CORIN: variants seen among roughly 807,000 people sequenced by gnomAD.
The protein encoded by CORIN is atrial natriuretic peptide-converting enzyme.
CORIN carries 117 observed loss-of-function variants against 125.3 expected under a neutral mutation model. That is an observed-to-expected ratio of 0.93 (90% CI 0.80 to 1.09). The LOEUF (loss-of-function observed/expected upper bound fraction) is 1.09, where lower values mean the gene tolerates loss of function less well. Ranked by LOEUF, CORIN falls within the 50% of genes least tolerant of loss-of-function variation. The probability of loss-of-function intolerance (pLI) is 0.00; values close to 1 mark genes in which losing one functional copy is unlikely to be tolerated. For missense variants in CORIN, 1,253 were observed against 1,306.7 expected (o/e 0.96, Z 0.63); for synonymous variants, 450 against 466.4 (o/e 0.96, Z 0.45).
In CORIN at chr4:47,772,076, CATAGATAG is replaced by C. The variant is rs57915863; in HGVS notation, c.410-8498_410-8491del. ...TGCCAAGCTTCAAGCTTTCACATTA[CATAGATAG>C]ATAGATAGATAGATAGATAGATAGA... On this transcript the variant is annotated intron_variant, in intron 3 of 21. Coordinates refer to ENST00000273857, the MANE Select transcript of CORIN (RefSeq NM_006587.4). Among the ~76,000 whole-genome samples the C allele has an allele frequency of 5.0e-3, 748 of 149,118 alleles. 7 individuals are homozygous for C. Among genetic ancestry groups the C allele is most frequent in the African/African-American group, 0.017 (675 of 40,394 alleles).
chr4:47,789,642 T>C (rs749798581), intron 2 of CORIN, among the ~76,000 whole-genome samples: 22 of 152,160 alleles, frequency 1.4e-4, no homozygotes, highest in Non-Finnish European at 2.4e-4. Flanking sequence ...CCCAACACGG[T>C]TGTCTACTAT....
intron 5 of CORIN, among the ~76,000 whole-genome samples, chr4:47,729,325 C>T (rs1015573469): frequency 6.6e-5 from 10 of 152,126 alleles, no homozygotes; most frequent in Admixed American, 5.9e-4. Flanking sequence ...CTATCACTAC[C>T]CAATAATGAC....
chr4:47,595,702 T>C lies in CORIN; in HGVS notation c.*19A>G, dbSNP rs775759080. 6 of 1,575,802 alleles carry C rather than the reference T, an allele frequency of 3.8e-6. No homozygotes were observed. The highest frequency in any genetic ancestry group is 5.2e-6 in the Non-Finnish European group (6 of 1,163,624). The stretch of plus-strand genomic sequence containing the variant: ...TTTCTTTTAGTGTAGCTGGCAAAAG[T>C]CTCTGATCATCCTTATAATTAGTTT... On this transcript the variant is annotated 3_prime_UTR_variant, in exon 22 of 22. Coordinates refer to ENST00000273857, the MANE Select transcript of CORIN (RefSeq NM_006587.4).
chr4:47,763,400 C>T lies in CORIN; in HGVS notation c.596G>A (p.Cys199Tyr). Reference sequence around the variant, plus strand: ...ATACCTGTCATCGCCATCAATGATGCACTCAGGGAAGGCGAGGGTACAGCC... The same window carrying T: ...ATACCTGTCATCGCCATCAATGATGTACTCAGGGAAGGCGAGGGTACAGCC... ...LFGCTLAFPE[C>Y]IIDGDDSHGL... is the part of the protein sequence containing the mutation. Residue 199 changes from cysteine to tyrosine, a missense_variant, in exon 4 of 22, where the codon TGC becomes TAC. Cys to Tyr is a radical substitution (Grantham distance 194, BLOSUM62 -2). Coordinates refer to ENST00000273857, the MANE Select transcript of CORIN (RefSeq NM_006587.4). 6.2e-7 allele frequency: 1 copy of T among 1,613,666 alleles called. No homozygotes were observed. Among genetic ancestry groups the T allele is most frequent in the Non-Finnish European group, 8.5e-7 (1 of 1,179,718 alleles).
intron 4 of CORIN, among the ~76,000 whole-genome samples, chr4:47,761,480 T>TACACACACACAC (rs142904418): frequency 2.1e-5 from 3 of 144,408 alleles, no homozygotes; most frequent in African/African-American, 7.6e-5. Context: ...GAAAATGTGA[T>TACACACACACAC]ACACACACAC....
At chr4:47,712,385 T>C (rs752063642) in intron 5 of CORIN, among the ~76,000 whole-genome samples, 2 of 152,190 alleles carry the variant, frequency 1.3e-5, no homozygotes, top group African/African-American at 2.4e-5. Context: ...CAGGCTCAAG[T>C]GATCCTCCTG....
chr4:47,754,763 G>A (rs1280037074), intron 4 of CORIN, among the ~76,000 whole-genome samples: 1 of 152,034 alleles, frequency 6.6e-6, no homozygotes. Flanking sequence ...AGGTAGCAGG[G>A]ACCCAATTTG....
At chr4:47,677,328 C>T (rs1345912993) in intron 9 of CORIN, among the ~76,000 whole-genome samples, 1 of 152,118 alleles carries the variant, frequency 6.6e-6, no homozygotes, top group African/African-American at 2.4e-5. Context: ...AGGCTGTGCC[C>T]GTGTAGTATA....
intron 6 of CORIN, among the ~76,000 whole-genome samples, chr4:47,692,517 T>C (rs1725814530): frequency 6.6e-6 from 1 of 152,080 alleles, no homozygotes; most frequent in South Asian, 2.1e-4. Context: ...TTTTAAACAG[T>C]TAGTGCCATT....
intron 1 of CORIN, among the ~76,000 whole-genome samples, chr4:47,827,640 G>C (rs559228430): frequency 2.0e-5 from 3 of 152,278 alleles, no homozygotes; most frequent in African/African-American, 7.2e-5. Context: ...AGAGATCTCA[G>C]GATTTTCCCT....
At chr4:47,709,624 T>C (rs115398095) in intron 5 of CORIN, among the ~76,000 whole-genome samples, 1 of 152,192 alleles carries the variant, frequency 6.6e-6, no homozygotes, top group Admixed American at 6.5e-5. Context: ...AATATAAATA[T>C]GTTTTTCCTT....
At chr4:47,699,512 A>G (rs934951240) in intron 5 of CORIN, among the ~76,000 whole-genome samples, 1 of 152,176 alleles carries the variant, frequency 6.6e-6, no homozygotes, top group Admixed American at 6.5e-5. Context: ...CTAGAATGCA[A>G]TTTCCTTGAA....
chr4:47,771,485 T>G (rs866722809), intron 3 of CORIN, among the ~76,000 whole-genome samples: 18 of 152,270 alleles, frequency 1.2e-4, no homozygotes, highest in African/African-American at 4.1e-4. Context: ...TGCAGGTATA[T>G]TACATAGATA....
chr4:47,686,766 G>A (rs540421774), intron 6 of CORIN, among the ~76,000 whole-genome samples: 13 of 152,234 alleles, frequency 8.5e-5, no homozygotes, highest in South Asian at 2.1e-4. Flanking sequence ...GCATGCATTC[G>A]CCCAGAGGAT....
chr4:47,706,614 C>T (rs1014637699), intron 5 of CORIN: 2 of 1,602,166 alleles, frequency 1.2e-6, no homozygotes, highest in Non-Finnish European at 1.7e-6. Context: ...GTGCAACTTA[C>T]GGCAAGCCTG....
chr4:47,705,628 T>G (rs1011561680), intron 5 of CORIN, among the ~76,000 whole-genome samples: 1 of 152,198 alleles, frequency 6.6e-6, no homozygotes, highest in African/African-American at 2.4e-5. Context: ...GATCAATCGG[T>G]TGATTTTTGT....
intron 2 of CORIN, among the ~76,000 whole-genome samples, chr4:47,789,686 A>C (rs941519253): frequency 1.1e-4 from 17 of 152,092 alleles, no homozygotes; most frequent in Non-Finnish European, 2.1e-4. Flanking sequence ...TTAGAACTCA[A>C]TAAAACTAAA....
chr4:47,802,565 T>C (rs973902724), intron 2 of CORIN, among the ~76,000 whole-genome samples: 24 of 152,160 alleles, frequency 1.6e-4, no homozygotes, highest in African/African-American at 5.3e-4. Context: ...GGACTTTGTC[T>C]TGTGGTTCGA....
chr4:47,603,527 G>A lies in CORIN; in HGVS notation c.2682C>T (p.Ser894=), dbSNP rs144642512. Residue 894 remains serine, a synonymous_variant, in exon 20 of 22, where the codon AGC becomes AGT. Coordinates refer to ENST00000273857, the MANE Select transcript of CORIN (RefSeq NM_006587.4). The part of the protein sequence containing the change: ...YSRAVVDYDI[S]IVELSEDISE... Reference sequence around the variant, plus strand: ...TGATGTCTTCACTCAGCTCAACGATGCTGATGTCATAGTCCACCACTGCTC... The same window carrying A: ...TGATGTCTTCACTCAGCTCAACGATACTGATGTCATAGTCCACCACTGCTC... 1.7e-3 allele frequency: 2,802 copies of A among 1,614,200 alleles called. 8 individuals carry two copies. The highest frequency in any genetic ancestry group is 2.1e-3 in the Non-Finnish European group (2,495 of 1,180,044).
Sources: allele counts gnomAD v4.1 joint callset (sites outside exome capture counted in the v4.1 genomes callset), GRCh38; gene constraint gnomAD v4.1.1; transcripts MANE v1.5; gene names NCBI Gene and HGNC (gene_info 2026-07-23, HGNC 2026-07-21).